Variants in TENM3 observed in about 807,000 individuals in gnomAD.
The protein encoded by TENM3 is teneurin transmembrane protein 3.
A neutral mutation model predicts 255.1 loss-of-function variants in TENM3; 63 were observed. The observed-to-expected ratio is 0.25, with a 90% CI of 0.20 to 0.30. TENM3 has a LOEUF of 0.30. TENM3 is among the 10% of genes least tolerant of loss of function. The pLI is 1.00. For missense variants in TENM3, 2,929 were observed against 3,461.1 expected (o/e 0.85, Z 3.86); for synonymous variants, 1,306 against 1,322.3 (o/e 0.99, Z 0.27).
At chr4:182,022,647 T>C in the TENM3 span, among the ~76,000 whole-genome samples, 2 of 152,184 alleles carry the variant, frequency 1.3e-5, no homozygotes, top group African/African-American at 2.4e-5. Context: ...ATTCATATTT[T>C]AACATAAATA....
At chr4:182,681,768 A>G (rs1226025892) in intron 10 of TENM3, 46 bp from the exon 11 acceptor site, 16 of 1,419,840 alleles carry the variant, frequency 1.1e-5, no homozygotes, top group Non-Finnish European at 1.4e-5. Context: ...TGCATGCACT[A>G]TGATATCTTC....
chr4:181,737,130 A>G, the TENM3 span, among the ~76,000 whole-genome samples: 1 of 152,198 alleles, frequency 6.6e-6, no homozygotes. Flanking sequence ...ATGGAACACC[A>G]TGGCACCATT....
chr4:181,454,203 G>A, the TENM3 span, among the ~76,000 whole-genome samples: 1 of 152,014 alleles, frequency 6.6e-6, no homozygotes, highest in South Asian at 2.1e-4. Context: ...AAACCACACT[G>A]TCTCCTGCCC....
At chr4:182,213,720 C>A (rs1466790348) in intron 1 of TENM3, among the ~76,000 whole-genome samples, 1 of 152,198 alleles carries the variant, frequency 6.6e-6, no homozygotes, top group African/African-American at 2.4e-5. Context: ...AAACAAACCC[C>A]ACTACGATAA....
At chr4:181,947,047 C>T in the TENM3 span, among the ~76,000 whole-genome samples, 1 of 152,132 alleles carries the variant, frequency 6.6e-6, no homozygotes, top group African/African-American at 2.4e-5. Context: ...TTGACTTCCT[C>T]ATCTATAAAA....
At chr4:182,262,925 G>A (rs995207083) in intron 1 of TENM3, among the ~76,000 whole-genome samples, 2 of 151,908 alleles carry the variant, frequency 1.3e-5, no homozygotes, top group African/African-American at 4.8e-5. Flanking sequence ...GTGTTAGCCA[G>A]GATGGTCTCG....
At chr4:182,381,730 T>C (rs1767585886) in intron 3 of TENM3, among the ~76,000 whole-genome samples, 1 of 152,108 alleles carries the variant, frequency 6.6e-6, no homozygotes, top group East Asian at 1.9e-4. Context: ...CCCGGCTAAT[T>C]GTGTATTTTT....
chr4:181,559,473 TC>T, the TENM3 span, among the ~76,000 whole-genome samples: 4 of 152,206 alleles, frequency 2.6e-5, no homozygotes, highest in Admixed American at 2.6e-4. Context: ...TCCCAGATAT[TC>T]CAGTCACTAT....
At chr4:182,786,012 G>A (rs1464266979) in intron 24 of TENM3, among the ~76,000 whole-genome samples, 2 of 152,162 alleles carry the variant, frequency 1.3e-5, no homozygotes, top group Non-Finnish European at 2.9e-5. Context: ...TTAAAGCCTT[G>A]GCTTGTGTTG....
intron 1 of TENM3, among the ~76,000 whole-genome samples, chr4:182,308,397 G>A (rs545364007): frequency 5.3e-5 from 8 of 152,104 alleles, no homozygotes; most frequent in Admixed American, 2.0e-4. Context: ...GCTCACTGCA[G>A]CCTTGAACTC....
chr4:181,665,553 A>T, the TENM3 span, among the ~76,000 whole-genome samples: 1 of 152,114 alleles, frequency 6.6e-6, no homozygotes. Context: ...ATACTTTTTC[A>T]TACATACGGT....
rs1026027853 is a variant in TENM3 at position 182,789,205 on chromosome 4, A to G, written c.5417A>G (p.His1806Arg). The G allele has an allele frequency of 1.9e-6, 3 of 1,611,032 alleles. No homozygotes were observed. Among genetic ancestry groups the G allele is most frequent in the Non-Finnish European group, 2.5e-6 (3 of 1,178,846 alleles). ...AGGATCGCCTACGACACGTCTGGGC[A>G]CCCGACTCTCTGGCTGCCAAGCAGC... ...LLRIAYDTSG[H>R]PTLWLPSSKL... is the part of the protein sequence containing the mutation. The change falls in exon 25 of 28, where the codon CAC (histidine) becomes CGC (arginine). Residue 1806 changes from histidine (H) to arginine (R), a missense_variant. His to Arg is a conservative substitution (Grantham distance 29, BLOSUM62 0). Transcript: ENST00000511685. The surrounding 1 kb of genome is among the most constrained non-coding windows in gnomAD (Gnocchi z 4.4).
At chr4:181,564,509 T>C in the TENM3 span, among the ~76,000 whole-genome samples, 1 of 152,144 alleles carries the variant, frequency 6.6e-6, no homozygotes, top group South Asian at 2.1e-4. Context: ...ATAAGCCCCA[T>C]GTCCAGTGCA....
intron 3 of TENM3, among the ~76,000 whole-genome samples, chr4:182,488,232 A>G (rs1734945464): frequency 6.6e-6 from 1 of 152,196 alleles, no homozygotes; most frequent in Non-Finnish European, 1.5e-5. Flanking sequence ...TCAGAGAGGC[A>G]GGAAAGGAGT....
chr4:181,964,346 T>C, the TENM3 span, among the ~76,000 whole-genome samples: 633 of 152,260 alleles, frequency 4.2e-3, 19 homozygotes, highest in South Asian at 0.06. Flanking sequence ...AACTTCAATC[T>C]CCGGTAAGCT....
At chr4:182,382,249 A>G (rs1456209989) in intron 3 of TENM3, among the ~76,000 whole-genome samples, 4 of 152,180 alleles carry the variant, frequency 2.6e-5, no homozygotes, top group East Asian at 1.9e-4. Context: ...AGAAGAAAAA[A>G]GGGGCTAATT....
intron 3 of TENM3, among the ~76,000 whole-genome samples, chr4:182,390,002 A>G (rs1341789792): frequency 6.6e-6 from 1 of 152,122 alleles, no homozygotes; most frequent in Non-Finnish European, 1.5e-5. Flanking sequence ...TGACTCTTTA[A>G]AGGTCATTTT....
chr4:182,728,884 A>G, intron 13 of TENM3, 81 bp from the exon 14 acceptor site: 2 of 1,154,354 alleles, frequency 1.7e-6, no homozygotes, highest in Non-Finnish European at 2.5e-6. Flanking sequence ...AAAAAAAAAA[A>G]AACAGTCAAG....
the TENM3 span, among the ~76,000 whole-genome samples, chr4:182,099,692 G>A: frequency 1.9e-3 from 287 of 152,254 alleles, no homozygotes; most frequent in Middle Eastern, 0.017. Context: ...AGAGATCACA[G>A]GGCCTGCGAA....
Sources: gnomAD v4.1 joint callset for allele counts (sites outside exome capture counted in the v4.1 genomes callset) on GRCh38, gnomAD v4.1.1 for gene constraint, Gnocchi (gnomAD v3.1) non-coding constraint, MANE v1.5 for transcripts, NCBI Gene and HGNC (gene_info 2026-07-23, HGNC 2026-07-21) for gene names.